PMEPA1: variants seen among roughly 807,000 people sequenced by gnomAD.
The protein encoded by PMEPA1 is prostate transmembrane protein, androgen induced 1, also known as protein TMEPAI.
A neutral mutation model predicts 23.0 loss-of-function variants in PMEPA1; 11 were observed. The ratio of observed to expected loss-of-function variants is 0.48; its 90% CI spans 0.30 to 0.79. PMEPA1 has a LOEUF of 0.79. Among genes scored for constraint, PMEPA1 ranks in the 30% least tolerant of loss-of-function variants. PMEPA1 has a pLI of 0.06. For synonymous variants in PMEPA1, 204 were observed against 166.4 expected (o/e 1.23, Z -1.74); for missense variants, 377 against 390.9 (o/e 0.96, Z 0.30).
upstream of PMEPA1, chr20:57,710,142 C>G (rs2072153789): frequency 1.4e-6 from 1 of 695,720 alleles, no homozygotes; most frequent in African/African-American, 1.9e-5. Flanking sequence ...TGACGGGAAA[C>G]GGGGCGGGCT....
chr20:57,667,543 C>A (rs1056865789), intron 1 of PMEPA1, among the ~76,000 whole-genome samples: 1 of 152,114 alleles, frequency 6.6e-6, no homozygotes, highest in Non-Finnish European at 1.5e-5. Flanking sequence ...CCAGACCAGA[C>A]GACCCCCCTC....
At chr20:57,696,046 G>A (rs761081215) in intron 1 of PMEPA1, among the ~76,000 whole-genome samples, 6 of 152,180 alleles carry the variant, frequency 3.9e-5, no homozygotes, top group Non-Finnish European at 8.8e-5. Context: ...ACTGGTCACA[G>A]GGACCACTTT....
At chr20:57,707,489 G>C (rs2072105432) in intron 1 of PMEPA1, among the ~76,000 whole-genome samples, 1 of 152,186 alleles carries the variant, frequency 6.6e-6, no homozygotes, top group Non-Finnish European at 1.5e-5. Flanking sequence ...AGGGTTCCAG[G>C]TATTAACCCC....
At chr20:57,676,151 A>G (rs1288062815) in intron 1 of PMEPA1, among the ~76,000 whole-genome samples, 1 of 152,238 alleles carries the variant, frequency 6.6e-6, no homozygotes, top group Non-Finnish European at 1.5e-5. Flanking sequence ...GGGACACAGC[A>G]AAGCTGTGGA....
chr20:57,693,944 A>G (rs2071914643), intron 1 of PMEPA1, among the ~76,000 whole-genome samples: 1 of 152,192 alleles, frequency 6.6e-6, no homozygotes, highest in African/African-American at 2.4e-5. Context: ...GAGCCTCATC[A>G]CCAGCTGGGA....
chr20:57,659,616 T>A lies in PMEPA1; in HGVS notation c.191A>T (p.His64Leu). ...MVVVITCLLSHYKLSARSFIS... is the reference protein window; with the variant it reads ...MVVVITCLLSLYKLSARSFIS... Reference sequence around the variant, plus strand: ...GAAGGACCGTGCAGACAGCTTGTAGTGGCTCAGCAGGCACGTGATCACCAC... The same window carrying A: ...GAAGGACCGTGCAGACAGCTTGTAGAGGCTCAGCAGGCACGTGATCACCAC... Residue 64 changes from histidine to leucine, a missense_variant, in exon 2 of 4, where the codon CAC (histidine) becomes CTC (leucine). Physicochemically the swap from His to Leu is moderately conservative, Grantham distance 99. Coordinates refer to ENST00000341744, the MANE Select transcript of PMEPA1 (RefSeq NM_020182.5). 1 of 1,613,370 alleles carries A rather than the reference T, an allele frequency of 6.2e-7. No individual in the cohort carries two copies. Among genetic ancestry groups the A allele is most frequent in the South Asian group, 1.1e-5 (1 of 90,910 alleles).
chr20:57,708,981 G>A (rs1474004447), intron 1 of PMEPA1, among the ~76,000 whole-genome samples: 1 of 151,876 alleles, frequency 6.6e-6, no homozygotes, highest in Non-Finnish European at 1.5e-5. Context: ...ACACTCCACA[G>A]ACGCACGGAC....
chr20:57,709,762 G>A lies in PMEPA1; in HGVS notation c.-180C>T. The stretch of plus-strand genomic sequence containing the variant: ...GGGGCGCCGCGGGGCTCAGTGCGCG[G>A]GACCGCGCTCCGCTGCGCCCCCCCG... On this transcript the variant is annotated 5_prime_UTR_variant, in exon 1 of 4. Transcript: ENST00000341744. 1.0e-6 allele frequency: 1 copy of A among 980,820 alleles called. No homozygotes were observed. Among genetic ancestry groups the A allele is most frequent in the Non-Finnish European group, 1.2e-6 (1 of 827,866 alleles). 60.8% of individuals were successfully genotyped at this position (980,820 alleles called of 1,614,324 possible).
intron 1 of PMEPA1, among the ~76,000 whole-genome samples, chr20:57,678,421 C>T (rs1372457382): frequency 6.6e-6 from 1 of 152,264 alleles, no homozygotes; most frequent in African/African-American, 2.4e-5. Flanking sequence ...TTGGCATCAC[C>T]AGAATCGCCC....
Position 57,652,963 on chromosome 20 carries a change from G to T in PMEPA1, c.318+70C>A, listed in dbSNP as rs8183538. 1 of 1,327,796 alleles carries T rather than the reference G, an allele frequency of 7.5e-7. No individual in the cohort carries two copies. Among genetic ancestry groups the T allele is most frequent in the East Asian group, 2.5e-5 (1 of 40,446 alleles). The allele number at this position is 1,327,796 out of a possible 1,614,324, so 82.3% of individuals were successfully genotyped here. A position where few individuals can be genotyped will look rare whatever the true frequency, so the allele number is the denominator to read the frequency against. ...GGGTGAGCCTTTAGCAGCCCACACTGTTCCAGCCGCAGCGGGAGCAGCCCA... is the reference window on the plus strand; with the variant it reads ...GGGTGAGCCTTTAGCAGCCCACACTTTTCCAGCCGCAGCGGGAGCAGCCCA... On this transcript the variant is annotated intron_variant, in intron 3 of 3. Transcript: ENST00000341744. The surrounding 1 kb of genome is among the most constrained non-coding windows in gnomAD (Gnocchi z 6.1).
intron 1 of PMEPA1, among the ~76,000 whole-genome samples, chr20:57,696,797 G>A (rs947182390): frequency 1.3e-5 from 2 of 152,228 alleles, no homozygotes; most frequent in East Asian, 1.9e-4. Flanking sequence ...AGGGAATGCC[G>A]CGAAGCGCTC....
At chr20:57,693,656 T>C (rs1382082549) in intron 1 of PMEPA1, among the ~76,000 whole-genome samples, 1 of 152,196 alleles carries the variant, frequency 6.6e-6, no homozygotes, top group Non-Finnish European at 1.5e-5. Flanking sequence ...ACAGACCTAT[T>C]CTGCAGAATA....
At position 57,690,381 on chromosome 20, in the gene PMEPA1, A is replaced by G. The variant is rs766501774; in HGVS notation, c.109+19093T>C. ...CAAATGCTCCTGAGAATATCCCCAG[A>G]GAAGAAACTTACCTCCATGTGCTGG... On this transcript the variant is annotated intron_variant, in intron 1 of 3. Coordinates refer to ENST00000341744, the MANE Select transcript of PMEPA1 (RefSeq NM_020182.5). 3.2e-6 allele frequency: 4 copies of G among 1,248,128 alleles called. No individual in the cohort carries two copies. In the South Asian group the frequency reaches 5.0e-5, roughly 16 times the overall value. 77.3% of individuals were successfully genotyped at this position (1,248,128 alleles called of 1,614,324 possible).
Position 57,680,922 on chromosome 20 carries a change from A to G in PMEPA1, c.110-21225T>C, listed in dbSNP as rs114471511. On this transcript the variant is annotated intron_variant, in intron 1 of 3. Transcript: ENST00000341744. ...AAAGTGGCGGAGAGCAGTCTGCGTGAGGACGTAAGCACAGGTCCTTCTCTG... is the reference window on the plus strand; with the variant it reads ...AAAGTGGCGGAGAGCAGTCTGCGTGGGGACGTAAGCACAGGTCCTTCTCTG... 7.7e-3 allele frequency among the ~76,000 whole-genome samples: 1,168 copies of G among 152,322 alleles called. 24 individuals carry two copies. The highest frequency in any genetic ancestry group is 0.027 in the African/African-American group (1,106 of 41,568).
chr20:57,686,647 G>T (rs781011824), intron 1 of PMEPA1, among the ~76,000 whole-genome samples: 2 of 152,254 alleles, frequency 1.3e-5, no homozygotes, highest in African/African-American at 4.8e-5. Flanking sequence ...GGCATCCACC[G>T]GCCTCTTTCA....
chr20:57,649,566 G>C lies in PMEPA1; in HGVS notation c.*2487C>G, dbSNP rs564566400. 2 of 152,192 alleles carry C rather than the reference G, an allele frequency of 1.3e-5. No homozygotes were observed. The highest frequency in any genetic ancestry group is 4.8e-5 in the African/African-American group (2 of 41,428). 9.4% of individuals were successfully genotyped at this position (152,192 alleles called of 1,614,324 possible). On this transcript the variant is annotated 3_prime_UTR_variant, in exon 4 of 4. Transcript: ENST00000341744. ...ACCATGAAGCAACGAGACCCAAACAGTTTGGCTCAAGAGGATATGAGGACT... is the reference window on the plus strand; with the variant it reads ...ACCATGAAGCAACGAGACCCAAACACTTTGGCTCAAGAGGATATGAGGACT...
At position 57,704,289 on chromosome 20, in the gene PMEPA1, G is replaced by GACAA. The variant is rs1477960031; in HGVS notation, c.109+5181_109+5184dup. On this transcript the variant is annotated intron_variant, in intron 1 of 3. Transcript: ENST00000341744. This position sits in a 1 kb window ranked among gnomAD's most constrained non-coding sequence, Gnocchi z 4.6. ...CTGGTTCCCTGGAGCCCACCCCAAA[G>GACAA]ACAACTGAGTTTGCTTCCCTGAACC... Among the ~76,000 whole-genome samples the GACAA allele has an allele frequency of 6.6e-6, 1 of 152,088 alleles. No individual in the cohort carries two copies. The highest frequency in any genetic ancestry group is 1.5e-5 in the Non-Finnish European group (1 of 68,004).
chr20:57,693,324 G>A (rs918308471), intron 1 of PMEPA1, among the ~76,000 whole-genome samples: 1 of 152,226 alleles, frequency 6.6e-6, no homozygotes, highest in African/African-American at 2.4e-5. Context: ...GAGCCAGTGG[G>A]CTCAGGAGCT....
upstream of PMEPA1, chr20:57,710,402 T>A: frequency 6.3e-7 from 1 of 1,577,524 alleles, no homozygotes; most frequent in Non-Finnish European, 8.6e-7. Context: ...ACAAGGTCCC[T>A]GGGGGCTCAG....
Sources: allele counts gnomAD v4.1 joint callset (sites outside exome capture counted in the v4.1 genomes callset), GRCh38; gene constraint gnomAD v4.1.1; non-coding constraint Gnocchi (gnomAD v3.1); transcripts MANE v1.5; gene names NCBI Gene and HGNC (gene_info 2026-07-23, HGNC 2026-07-21).